COL1A1: variants seen among roughly 807,000 people sequenced by gnomAD.
COL1A1 encodes the protein collagen type I alpha 1 chain.
COL1A1 carries 21 observed loss-of-function variants against 195.7 expected under a neutral mutation model. The ratio of observed to expected loss-of-function variants is 0.11; its 90% CI spans 0.08 to 0.15. The LOEUF is 0.15. Among genes scored for constraint, COL1A1 ranks in the 10% least tolerant of loss-of-function variants. The pLI, the probability that COL1A1 is intolerant of heterozygous loss-of-function variation, is 1.00. For synonymous variants in COL1A1, 749 were observed against 747.3 expected, an observed-to-expected ratio of 1.00 and a Z score of -0.04; for missense variants, 1,365 against 2,051.0, an observed-to-expected ratio of 0.67 and a Z score of 6.46.
rs1336826930 is a variant in COL1A1 at position 50,194,850 on chromosome 17, A to C, written c.1354-22T>G. On this transcript the variant is annotated intron_variant, in intron 20 of 50. Transcript: ENST00000225964. The surrounding 1 kb of genome is among the most constrained non-coding windows in gnomAD (Gnocchi z 6.8). ...GGCCCTGGAGAGGGCCGAGAGGAGG[A>C]GGCGGCCTGTGGTGAGGGGCCATCC... The C allele has an allele frequency of 1.3e-6, 2 of 1,569,640 alleles. No homozygotes were observed. The highest frequency in any genetic ancestry group is 1.7e-6 in the Non-Finnish European group (2 of 1,156,752).
chr17:50,190,701 G>C lies in COL1A1; in HGVS notation c.2344-105C>G. 4.7e-6 allele frequency: 7 copies of C among 1,503,024 alleles called. No individual in the cohort carries two copies. Among genetic ancestry groups the C allele is most frequent in the Non-Finnish European group, 5.5e-6 (6 of 1,084,862 alleles). The allele number at this position is 1,503,024 out of a possible 1,614,324, so 93.1% of individuals were successfully genotyped here. ...TCCTTCTGGTCCCTCCAGGTTCCCA[G>C]GTTGACAGCTCAGTTTGGCAGGACC... On this transcript the variant is annotated intron_variant, in intron 33 of 50. Transcript: ENST00000225964. The surrounding 1 kb of genome is among the most constrained non-coding windows in gnomAD (Gnocchi z 4.7).
In COL1A1 at chr17:50,190,488, G is replaced by C; in HGVS notation, c.2397+55C>G. On this transcript the variant is annotated intron_variant, in intron 34 of 50. Transcript: ENST00000225964. The surrounding 1 kb of genome is among the most constrained non-coding windows in gnomAD (Gnocchi z 4.7). ...AGGCACAGACAGGGCCAGGGGTGCT[G>C]TGTGAAGGGAGGGAAGGGCCAAGTA... 1 of 1,606,038 alleles carries C rather than the reference G, an allele frequency of 6.2e-7. No homozygotes were observed. Among genetic ancestry groups the C allele is most frequent in the Non-Finnish European group, 8.5e-7 (1 of 1,172,812 alleles).
rs754194952 is a variant in COL1A1 at position 50,185,828 on chromosome 17, C to G, written c.4198G>C (p.Ala1400Pro). The G allele has an allele frequency of 1.2e-6, 2 of 1,613,870 alleles. No homozygotes were observed. The highest frequency in any genetic ancestry group is 4.5e-5 in the East Asian group (2 of 44,880). ...TAGGTGAAGCGGCTGTTGCCCTCGG[C>G]GCGGATCTCGATCTCGTTGGAGCCC... ...LQGSNEIEIRAEGNSRFTYSV... is the reference protein window; with the variant it reads ...LQGSNEIEIRPEGNSRFTYSV... The change falls in exon 50 of 51, where the codon GCC becomes CCC. Residue 1400 changes from alanine (A) to proline (P), a missense_variant. This residue lies in a region of COL1A1 where 273 missense variants were observed against 338.6 expected (regional missense o/e 0.81). Transcript: ENST00000225964.
Position 50,188,153 on chromosome 17 carries a change from G to T in COL1A1, c.3208-4C>A, listed in dbSNP as rs1221398462. On this transcript the variant is annotated splice_polypyrimidine_tract_variant and splice_region_variant and intron_variant, in intron 43 of 50. Transcript: ENST00000225964. The surrounding 1 kb of genome is among the most constrained non-coding windows in gnomAD (Gnocchi z 5.6). ...GACCGGCGGGACCAGCAGGACCCTG[G>T]GGAGAGCAAGGAAAGCATGAGCTCT... 1.3e-6 allele frequency: 2 copies of T among 1,551,768 alleles called. No homozygotes were observed. The highest frequency in any genetic ancestry group is 2.0e-5 in the Admixed American group (1 of 50,870).
chr17:50,191,709 G>T, intron 31 of COL1A1, 79 bp downstream of exon 31: 1 of 1,477,620 alleles, frequency 6.8e-7, no homozygotes, highest in Non-Finnish European at 9.2e-7. Context: ...TTTGGTCATG[G>T]CCCGCCATCC....
intron 15 of COL1A1, 26 bp from the exon 16 acceptor site, chr17:50,196,002 G>C (rs753368960): frequency 8.8e-6 from 14 of 1,596,968 alleles, no homozygotes; most frequent in Middle Eastern, 1.6e-4. Context: ...AGATGTCAGC[G>C]AGAAGGAAGA....
chr17:50,189,548 G>C lies in COL1A1; in HGVS notation c.2668-10C>G, dbSNP rs1262974236. On this transcript the variant is annotated splice_polypyrimidine_tract_variant and intron_variant, in intron 38 of 50. Coordinates refer to ENST00000225964, the MANE Select transcript of COL1A1 (RefSeq NM_000088.4). This position sits in a 1 kb window ranked among gnomAD's most constrained non-coding sequence, Gnocchi z 5.5. ...GGGGTCCAGCATTTCCCTGGATGAG[G>C]ATAGGAGGGGCTGTCAGACTCCAGG... 2.5e-6 allele frequency: 4 copies of C among 1,612,698 alleles called. No homozygotes were observed. In the South Asian group the frequency reaches 4.4e-5, roughly 18 times the overall value.
chr17:50,191,274 T>A (rs867333007), intron 32 of COL1A1, 109 bp downstream of exon 32: 14 of 1,065,568 alleles, frequency 1.3e-5, no homozygotes, highest in Middle Eastern at 2.0e-4. Flanking sequence ...AAGGGAGGAT[T>A]AGCGAGAAGA....
Position 50,199,762 on chromosome 17 carries a change from C to G in COL1A1, c.289G>C (p.Asp97His). The G allele has an allele frequency of 6.2e-7, 1 of 1,612,622 alleles. No individual in the cohort carries two copies. Among genetic ancestry groups the G allele is most frequent in the Middle Eastern group, 1.9e-4 (1 of 5,330 alleles). Residue 97 changes from aspartate to histidine, a missense_variant, in exon 2 of 51, where the codon GAC (aspartate) becomes CAC (histidine). Transcript: ENST00000225964. The part of the protein sequence containing the change: ...PEGECCPVCP[D>H]GSESPTDQET... The stretch of plus-strand genomic sequence containing the variant: ...CCGAGCGCAGCCGCACCTGAGCCGT[C>G]GGGGCAGACGGGACAGCACTCGCCC...
At position 50,195,736 on chromosome 17, in the gene COL1A1, G is replaced by A; in HGVS notation, c.1057-71C>T. ...AACCTTGCCTCTCGGGATGGCAGGA[G>A]GAAGGGGAGACAGGGACAGGAGAGC... On this transcript the variant is annotated intron_variant, in intron 16 of 50. Coordinates refer to ENST00000225964, the MANE Select transcript of COL1A1 (RefSeq NM_000088.4). The surrounding 1 kb of genome is among the most constrained non-coding windows in gnomAD (Gnocchi z 4.3). The A allele has an allele frequency of 1.3e-6, 2 of 1,482,888 alleles. No homozygotes were observed. The highest frequency in any genetic ancestry group is 1.9e-6 in the Non-Finnish European group (2 of 1,071,810). 91.9% of individuals were successfully genotyped at this position (1,482,888 alleles called of 1,614,324 possible). A position where few individuals can be genotyped will look rare whatever the true frequency, so the allele number is the denominator to read the frequency against.
Position 50,184,404 on chromosome 17 carries a change from G to A in COL1A1, c.*1098C>T. On this transcript the variant is annotated 3_prime_UTR_variant, in exon 51 of 51. Transcript: ENST00000225964. ...GAGGGTGGAAAGTGAGCAGCGGGCTGGGCTGGAGCCGCACACGCTCTCCTC... is the reference window on the plus strand; with the variant it reads ...GAGGGTGGAAAGTGAGCAGCGGGCTAGGCTGGAGCCGCACACGCTCTCCTC... 1 of 231,358 alleles carries A rather than the reference G, an allele frequency of 4.3e-6. No individual in the cohort carries two copies. The highest frequency in any genetic ancestry group is 6.1e-5 in the East Asian group (1 of 16,430). 14.3% of individuals were successfully genotyped at this position (231,358 alleles called of 1,614,324 possible).
intron 45 of COL1A1, 143 bp from the exon 46 acceptor site, chr17:50,187,680 G>A: frequency 1.0e-6 from 1 of 1,003,072 alleles, no homozygotes; most frequent in Non-Finnish European, 1.5e-6. Context: ...TCCATAGGCA[G>A]AGACCTCTCC....
Position 50,189,572 on chromosome 17 carries a change from G to C in COL1A1, c.2668-34C>G. 1 of 1,613,048 alleles carries C rather than the reference G, an allele frequency of 6.2e-7. No homozygotes were observed. The highest frequency in any genetic ancestry group is 8.5e-7 in the Non-Finnish European group (1 of 1,179,664). Reference sequence around the variant, plus strand: ...GGATAGGAGGGGCTGTCAGACTCCAGGGGGCTCTGGTGCATCATTGGGTCC... The same window carrying C: ...GGATAGGAGGGGCTGTCAGACTCCACGGGGCTCTGGTGCATCATTGGGTCC... On this transcript the variant is annotated intron_variant, in intron 38 of 50. Transcript: ENST00000225964. The surrounding 1 kb of genome is among the most constrained non-coding windows in gnomAD (Gnocchi z 5.5).
rs199766533 is a variant in COL1A1, at chr17:50,187,001, G to A, written c.3531+14C>T. On this transcript the variant is annotated intron_variant, in intron 47 of 50. Coordinates refer to ENST00000225964, the MANE Select transcript of COL1A1 (RefSeq NM_000088.4). The stretch of plus-strand genomic sequence containing the variant: ...CTGGAGGGCCATGAGCAGAGGGGAT[G>A]AGGGGCTACATACAACAGGACCAGC... 7.3e-5 allele frequency: 117 copies of A among 1,612,296 alleles called. No homozygotes were observed. The African/African-American group carries it at 1.5e-3, about 20-fold the overall frequency.
intron 31 of COL1A1, 138 bp downstream of exon 31, chr17:50,191,650 G>A: frequency 8.8e-7 from 1 of 1,130,730 alleles, no homozygotes; most frequent in Non-Finnish European, 1.3e-6. Context: ...GCTGTGTGTG[G>A]GCCCCTGCCC....
rs987181448 is a variant in COL1A1 at position 50,185,907 on chromosome 17, G to A, written c.4119C>T (p.Ser1373=). The change falls in exon 50 of 51, where the codon AGC becomes AGT. Residue 1373 remains serine (S), a synonymous_variant. Coordinates refer to ENST00000225964, the MANE Select transcript of COL1A1 (RefSeq NM_000088.4). ...SQNITYHCKN[S]VAYMDQQTGN... is the part of the protein sequence containing the mutation. ...CAGTCTGCTGGTCCATGTAGGCCAC[G>A]CTGTTCTTGCAGTGGTAGGTGATGT... is the stretch of plus-strand genomic sequence containing the variant. 8 of 1,614,018 alleles carry A rather than the reference G, an allele frequency of 5.0e-6. No individual in the cohort carries two copies. The highest frequency in any genetic ancestry group is 1.7e-5 in the Admixed American group (1 of 59,998).
In COL1A1 at chr17:50,195,476, T is replaced by A; in HGVS notation, c.1158A>T (p.Gly386=). 6.2e-7 allele frequency: 1 copy of A among 1,614,036 alleles called. No homozygotes were observed. Among genetic ancestry groups the A allele is most frequent in the Non-Finnish European group, 8.5e-7 (1 of 1,179,982 alleles). Residue 386 remains glycine, a splice_region_variant and synonymous_variant, in exon 18 of 51, where the codon GGA becomes GGT. Transcript: ENST00000225964. This position sits in a 1 kb window ranked among gnomAD's most constrained non-coding sequence, Gnocchi z 4.3. ...PGPAGAAGPA[G]NPGADGQPGA... ...CAGGCTGTCCATCAGCACCAGGGTT[T>A]CCCTGTGGCACAGAGAAAGGAGTGT...
At chr17:50,192,925 C>T (rs1383131483) in intron 26 of COL1A1, 69 bp downstream of exon 26, 1 of 1,613,100 alleles carries the variant, frequency 6.2e-7, no homozygotes, top group Admixed American at 1.7e-5. Context: ...TCTAGCACCC[C>T]TCCTGCAGGG....
At position 50,199,855 on chromosome 17, in the gene COL1A1, C is replaced by G; in HGVS notation, c.196G>C (p.Gly66Arg). Residue 66 changes from glycine to arginine, a missense_variant, in exon 2 of 51, where the codon GGC becomes CGC. Gly to Arg is a moderately radical substitution (Grantham distance 125, BLOSUM62 -2). This residue lies in a region of COL1A1 where 194 missense variants were observed against 221.7 expected (regional missense o/e 0.88). Coordinates refer to ENST00000225964, the MANE Select transcript of COL1A1 (RefSeq NM_000088.4). ...ATCACGTCATCGCACAACACCTTGC[C>G]GTTGTCGCAGACGCAGATCCGGCAG... ...EPCRICVCDNGKVLCDDVICD... is the reference protein window; with the variant it reads ...EPCRICVCDNRKVLCDDVICD... 1 of 1,614,178 alleles carries G rather than the reference C, an allele frequency of 6.2e-7. No homozygotes were observed. The highest frequency in any genetic ancestry group is 8.5e-7 in the Non-Finnish European group (1 of 1,180,032).
Sources: allele counts gnomAD v4.1 joint callset, GRCh38; gene constraint gnomAD v4.1.1; regional missense constraint gnomAD v4.1.1; non-coding constraint Gnocchi (gnomAD v3.1); transcripts MANE v1.5; gene names NCBI Gene and HGNC (gene_info 2026-07-23, HGNC 2026-07-21).